The following ARID1A variants were observed in gnomAD, a reference collection of about 807,000 sequenced individuals.
ARID1A encodes AT-rich interactive domain-containing protein 1A.
ARID1A carries 20 observed loss-of-function variants against 212.6 expected under a neutral mutation model. That is an observed-to-expected ratio of 0.09 (90% confidence interval 0.07 to 0.14). The LOEUF is 0.14. Ranked by LOEUF, ARID1A falls within the 10% of genes least tolerant of loss-of-function variation. The probability of loss-of-function intolerance (pLI) is 1.00; values close to 1 mark genes in which losing one functional copy is unlikely to be tolerated. For synonymous variants in ARID1A, 1,376 were observed against 1,222.1 expected (o/e 1.13, Z -2.63); for missense variants, 2,587 against 3,059.0 (o/e 0.85, Z 3.64).
intron 3 of ARID1A, among the ~76,000 whole-genome samples, chr1:26,731,848 A>G (rs1207842476): frequency 2.6e-5 from 4 of 152,242 alleles, no homozygotes; most frequent in African/African-American, 9.6e-5. Context: ...GCATAGATGG[A>G]TAAGAAATTA....
chr1:26,722,263 C>G (rs556306900), intron 1 of ARID1A, among the ~76,000 whole-genome samples: 4 of 152,060 alleles, frequency 2.6e-5, no homozygotes, highest in South Asian at 4.2e-4. Flanking sequence ...TGTTTGTTTT[C>G]AAGATAGAGC....
Position 26,722,391 on chromosome 1 carries a change from A to G in ARID1A, c.1138-7260A>G, listed in dbSNP as rs541390502. Among the ~76,000 whole-genome samples the G allele has an allele frequency of 3.3e-5, 5 of 152,182 alleles. No individual in the cohort carries two copies. In the South Asian group the frequency reaches 1.0e-3, roughly 32 times the overall value. On this transcript the variant is annotated intron_variant, in intron 1 of 19. Coordinates refer to ENST00000324856, the MANE Select transcript of ARID1A (RefSeq NM_006015.6). ...CTCCCGAGTAGCTGGGATTACAGGC[A>G]CGTGCCACCATGCCAGGCTAATTTT... is the stretch of plus-strand genomic sequence containing the variant.
chr1:26,731,312 C>T lies in ARID1A; in HGVS notation c.1511C>T (p.Pro504Leu), dbSNP rs368949162. ...GCCCAACCTTCGTATCAGCAGCAGC[C>T]ACAGTCTCAACCACCACAGCTCCAG... ...PHAQPSYQQQ[P>L]QSQPPQLQSS... is the part of the protein sequence containing the mutation. Residue 504 changes from proline to leucine, a missense_variant, in exon 3 of 20, where the codon CCA becomes CTA. This residue lies in a region of ARID1A where 674 missense variants were observed against 813.4 expected (regional missense o/e 0.83). Coordinates refer to ENST00000324856, the MANE Select transcript of ARID1A (RefSeq NM_006015.6). The T allele has an allele frequency of 6.2e-7, 1 of 1,613,692 alleles. No homozygotes were observed. Among genetic ancestry groups the T allele is most frequent in the African/African-American group, 1.3e-5 (1 of 74,756 alleles).
chr1:26,741,823 T>G (rs901065882), intron 4 of ARID1A, among the ~76,000 whole-genome samples: 8 of 152,206 alleles, frequency 5.3e-5, no homozygotes, highest in African/African-American at 1.9e-4. Context: ...GCTATTACCC[T>G]TCGTATTTTT....
intron 4 of ARID1A, among the ~76,000 whole-genome samples, chr1:26,744,485 C>T (rs761513509): frequency 1.3e-5 from 2 of 152,202 alleles, no homozygotes; most frequent in Non-Finnish European, 1.5e-5. Flanking sequence ...ACCTCTTCCC[C>T]ATTAAGCACA....
chr1:26,772,478 C>T (rs201088063), intron 12 of ARID1A, 22 bp from the exon 13 acceptor site: 32 of 1,613,990 alleles, frequency 2.0e-5, no homozygotes, highest in Non-Finnish European at 2.6e-5. Context: ...GCAAACTACT[C>T]AACTTGTATC....
chr1:26,743,608 G>A lies in ARID1A; in HGVS notation c.1920+10816G>A, dbSNP rs114432222. 5.9e-3 allele frequency among the ~76,000 whole-genome samples: 892 copies of A among 151,764 alleles called. 2 individuals carry two copies. Among genetic ancestry groups the A allele is most frequent in the Non-Finnish European group, 8.1e-3 (550 of 67,918 alleles). On this transcript the variant is annotated intron_variant, in intron 4 of 19. Transcript: ENST00000324856. ...CCCAGCACTTTGGGAGGCTGAGGCG[G>A]GTCATCATGAGGTCAAGAGTTCAAG... is the stretch of plus-strand genomic sequence containing the variant.
At chr1:26,713,468 C>T (rs1048420135) in intron 1 of ARID1A, among the ~76,000 whole-genome samples, 3 of 151,290 alleles carry the variant, frequency 2.0e-5, no homozygotes, top group Non-Finnish European at 1.5e-5. Context: ...AAGCAATTCT[C>T]TTGCCTCAGC....
intron 4 of ARID1A, among the ~76,000 whole-genome samples, chr1:26,736,181 A>C (rs926581892): frequency 1.3e-5 from 2 of 151,536 alleles, no homozygotes; most frequent in African/African-American, 4.9e-5. Context: ...AAAATTAGCC[A>C]GGCATGGCAG....
At chr1:26,750,784 A>T (rs2124015912) in intron 4 of ARID1A, among the ~76,000 whole-genome samples, 1 of 152,066 alleles carries the variant, frequency 6.6e-6, no homozygotes, top group East Asian at 1.9e-4. Flanking sequence ...CTACATTCAA[A>T]GTCACCCTCC....
Position 26,774,904 on chromosome 1 carries a change from C to T in ARID1A, c.4677C>T (p.Ala1559=), listed in dbSNP as rs2124121459. Residue 1559 remains alanine, a synonymous_variant, in exon 18 of 20, where the codon GCC becomes GCT. Coordinates refer to ENST00000324856, the MANE Select transcript of ARID1A (RefSeq NM_006015.6). The surrounding 1 kb of genome is among the most constrained non-coding windows in gnomAD (Gnocchi z 5.6). ...GTRQPPYGPS[A]PVPPMTRPPP... Reference sequence around the variant, plus strand: ...GCCAGCCCCCATATGGTCCCTCTGCCCCTGTGCCCCCCATGACAAGGCCCC... The same window carrying T: ...GCCAGCCCCCATATGGTCCCTCTGCTCCTGTGCCCCCCATGACAAGGCCCC... 1 of 1,554,052 alleles carries T rather than the reference C, an allele frequency of 6.4e-7. No homozygotes were observed. The highest frequency in any genetic ancestry group is 1.2e-5 in the South Asian group (1 of 81,568).
intron 19 of ARID1A, among the ~76,000 whole-genome samples, chr1:26,777,327 C>T (rs2081145910): frequency 6.6e-6 from 1 of 152,064 alleles, no homozygotes; most frequent in Admixed American, 6.6e-5. Flanking sequence ...CTCAGGTGAT[C>T]CTCCCACCTC....
chr1:26,761,348 C>G (rs2080990258), intron 5 of ARID1A, 36 bp from the exon 6 acceptor site: 1 of 1,609,640 alleles, frequency 6.2e-7, no homozygotes. Flanking sequence ...CCAGGCTTAG[C>G]CATGATATGC....
At chr1:26,700,953 G>A (rs2080326523) in intron 1 of ARID1A, among the ~76,000 whole-genome samples, 1 of 152,166 alleles carries the variant, frequency 6.6e-6, no homozygotes, top group African/African-American at 2.4e-5. Context: ...ACCAGGTTTG[G>A]CTTCTTGTGT....
intron 4 of ARID1A, among the ~76,000 whole-genome samples, chr1:26,759,227 G>T (rs768219270): frequency 6.6e-6 from 1 of 152,100 alleles, no homozygotes; most frequent in African/African-American, 2.4e-5. Flanking sequence ...TTTTGAGATG[G>T]TGTTTTGCTC....
chr1:26,707,002 C>T (rs1051744803), intron 1 of ARID1A, among the ~76,000 whole-genome samples: 2 of 150,268 alleles, frequency 1.3e-5, no homozygotes, highest in African/African-American at 4.9e-5. Flanking sequence ...TTTATCTGTT[C>T]TTGGGTCACA....
intron 1 of ARID1A, among the ~76,000 whole-genome samples, chr1:26,711,843 G>T (rs898706529): frequency 1.3e-5 from 2 of 152,148 alleles, no homozygotes; most frequent in Non-Finnish European, 2.9e-5. Flanking sequence ...AGCACTTTGG[G>T]ATGCTGAGCT....
chr1:26,745,426 T>A (rs1446371031), intron 4 of ARID1A, among the ~76,000 whole-genome samples: 1 of 152,224 alleles, frequency 6.6e-6, no homozygotes, highest in Non-Finnish European at 1.5e-5. Context: ...ATGAGTCAGC[T>A]TCTCATTAGC....
Position 26,773,392 on chromosome 1 carries a change from C to G in ARID1A, c.3762C>G (p.Gly1254=). The G allele has an allele frequency of 6.2e-7, 1 of 1,612,250 alleles. No homozygotes were observed. ...TGTCCTCAGGGCAGGGCCCCAACGG[C>G]GGGATGGGTGACCCCTACAGTCGTG... The part of the protein sequence containing the change: ...PFMSSGQGPN[G]GMGDPYSRAA... The change falls in exon 15 of 20, where the codon GGC becomes GGG. Residue 1254 remains glycine (G), a synonymous_variant. Transcript: ENST00000324856.
Sources: allele counts gnomAD v4.1 joint callset (sites outside exome capture counted in the v4.1 genomes callset), GRCh38; gene constraint gnomAD v4.1.1; regional missense constraint gnomAD v4.1.1; non-coding constraint Gnocchi (gnomAD v3.1); transcripts MANE v1.5; gene names NCBI Gene and HGNC (gene_info 2026-07-23, HGNC 2026-07-21).